Variants in PTPMT1 observed in about 807,000 individuals in gnomAD.
The protein encoded by PTPMT1 is phosphatidylglycerophosphatase and protein-tyrosine phosphatase 1.
A neutral mutation model predicts 17.8 loss-of-function variants in PTPMT1; 12 were observed. The observed-to-expected ratio is 0.67, with a 90% CI of 0.43 to 1.09. The LOEUF is 1.09. PTPMT1 is among the 50% of genes least tolerant of loss of function. The pLI, the probability that PTPMT1 is intolerant of heterozygous loss-of-function variation, is 0.00. For missense variants in PTPMT1, 262 were observed against 266.0 expected (o/e 0.99, Z 0.10); for synonymous variants, 132 against 116.8 (o/e 1.13, Z -0.84).
chr11:47,569,161 G>A (rs1051142366), intron 2 of PTPMT1, among the ~76,000 whole-genome samples: 1 of 151,816 alleles, frequency 6.6e-6, no homozygotes, highest in Admixed American at 6.6e-5. Flanking sequence ...TGAGGCAGGC[G>A]GATGACCTGA....
chr11:47,566,020 C>T (rs1489370168), intron 2 of PTPMT1, 34 bp downstream of exon 2: 3 of 1,373,416 alleles, frequency 2.2e-6, no homozygotes, highest in Non-Finnish European at 2.8e-6. Flanking sequence ...GGCTCGGGGG[C>T]CCGCTCCCCC....
intron 2 of PTPMT1, among the ~76,000 whole-genome samples, 165 bp from the exon 3 acceptor site, chr11:47,569,535 A>G (rs1233333709): frequency 2.0e-5 from 3 of 152,194 alleles, no homozygotes; most frequent in Non-Finnish European, 4.4e-5. Flanking sequence ...AAAAAAAAGC[A>G]TTTCTGTAAG....
At chr11:47,566,554 T>C (rs2097244785) in intron 2 of PTPMT1, among the ~76,000 whole-genome samples, 1 of 150,356 alleles carries the variant, frequency 6.7e-6, no homozygotes, top group African/African-American at 2.4e-5. Flanking sequence ...ACAAATGTAA[T>C]GTATTCTTAT....
Position 47,572,639 on chromosome 11 carries a change from C to T in PTPMT1, c.*1010C>T. ...ACATTGATCAGGTAAAGAGGAGAGG[C>T]TGTGCCTAAGGTCTGAGAAAAGGCT... On this transcript the variant is annotated 3_prime_UTR_variant, in exon 4 of 4. Coordinates refer to ENST00000326674, the MANE Select transcript of PTPMT1 (RefSeq NM_175732.3). 7.0e-6 allele frequency: 3 copies of T among 429,708 alleles called. No homozygotes were observed. The highest frequency in any genetic ancestry group is 1.3e-5 in the Non-Finnish European group (3 of 239,086). 26.6% of individuals were successfully genotyped at this position (429,708 alleles called of 1,614,324 possible). A position where few individuals can be genotyped will look rare whatever the true frequency, so the allele number is the denominator to read the frequency against.
Position 47,565,718 on chromosome 11 carries a change from G to A in PTPMT1, c.96G>A (p.Arg32=), listed in dbSNP as rs773545889. The A allele has an allele frequency of 4.4e-6, 7 of 1,579,120 alleles. No homozygotes were observed. Among genetic ancestry groups the A allele is most frequent in the Non-Finnish European group, 6.0e-6 (7 of 1,166,022 alleles). The part of the protein sequence containing the change: ...YTLFRGKVPG[R]AHRDWYHRID... ...TGTTCCGCGGGAAGGTGCCGGGTCG[G>A]GCGCACCGGGACTGGTACCACCGCA... The change falls in exon 1 of 4, where the codon CGG becomes CGA. Residue 32 remains arginine (R), a synonymous_variant. Coordinates refer to ENST00000326674, the MANE Select transcript of PTPMT1 (RefSeq NM_175732.3).
Position 47,569,693 on chromosome 11 carries a change from G to A in PTPMT1, c.256-7G>A. On this transcript the variant is annotated splice_polypyrimidine_tract_variant and splice_region_variant and intron_variant, in intron 2 of 3. Transcript: ENST00000326674. ...TCTCTTTTTCATACTGGTGGACCTG[G>A]TTCCAGGAGTGGAAGAGACTAGGAG... 1 of 1,599,088 alleles carries A rather than the reference G, an allele frequency of 6.3e-7. No homozygotes were observed.
chr11:47,566,749 A>AT (rs2097245145), intron 2 of PTPMT1, among the ~76,000 whole-genome samples: 1 of 151,940 alleles, frequency 6.6e-6, no homozygotes, highest in South Asian at 2.1e-4. Context: ...CCCTCCCCAG[A>AT]TTTTTCATAA....
intron 2 of PTPMT1, among the ~76,000 whole-genome samples, chr11:47,569,348 T>G (rs2097248187): frequency 7.0e-6 from 1 of 143,650 alleles, no homozygotes; most frequent in Admixed American, 7.3e-5. Context: ...ATCACGCCAC[T>G]GTACTACAGC....
intron 2 of PTPMT1, among the ~76,000 whole-genome samples, 174 bp downstream of exon 2, chr11:47,566,160 G>A (rs904630473): frequency 6.6e-6 from 1 of 152,154 alleles, no homozygotes; most frequent in Non-Finnish European, 1.5e-5. Flanking sequence ...TAGGCTAGAA[G>A]CTGTGAAAGG....
At chr11:47,566,226 A>G (rs189234189) in intron 2 of PTPMT1, among the ~76,000 whole-genome samples, 92 of 152,322 alleles carry the variant, frequency 6.0e-4, no homozygotes, top group African/African-American at 2.2e-3. Flanking sequence ...CTGTAATCCC[A>G]GCACTTTGGG....
chr11:47,566,995 G>A (rs1387493103), intron 2 of PTPMT1, among the ~76,000 whole-genome samples: 1 of 151,962 alleles, frequency 6.6e-6, no homozygotes, highest in Admixed American at 6.6e-5. Context: ...TATCTTTATA[G>A]CGTTTGGCAT....
chr11:47,569,626 T>G, intron 2 of PTPMT1, 74 bp from the exon 3 acceptor site: 2 of 1,205,558 alleles, frequency 1.7e-6, no homozygotes, highest in Non-Finnish European at 2.3e-6. Flanking sequence ...TTGCTGCTTC[T>G]TGGGAGCCCC....
rs1028635603 is a variant in PTPMT1 at position 47,572,311 on chromosome 11, C to G, written c.*682C>G. ...GATTGAAAAAGTTTCTGCTATTAAT[C>G]AGAAATAATCATTTCTATTTTCTGG... On this transcript the variant is annotated 3_prime_UTR_variant, in exon 4 of 4. Transcript: ENST00000326674. 6.5e-6 allele frequency: 1 copy of G among 152,836 alleles called. No homozygotes were observed. Among genetic ancestry groups the G allele is most frequent in the African/African-American group, 2.4e-5 (1 of 41,450 alleles). The allele number at this position is 152,836 out of a possible 1,614,324, so 9.5% of individuals were successfully genotyped here. A position where few individuals can be genotyped will look rare whatever the true frequency, so the allele number is the denominator to read the frequency against.
rs1191503542 is a variant in PTPMT1, at chr11:47,569,670, T to C, written c.256-30T>C. 3 of 1,554,142 alleles carry C rather than the reference T, an allele frequency of 1.9e-6. No homozygotes were observed. The African/African-American group carries it at 4.2e-5, about 22-fold the overall frequency. The stretch of plus-strand genomic sequence containing the variant: ...CCACCCACATAGTTTTTTTTCATTC[T>C]CTTTTTCATACTGGTGGACCTGGTT... On this transcript the variant is annotated intron_variant, in intron 2 of 3. Coordinates refer to ENST00000326674, the MANE Select transcript of PTPMT1 (RefSeq NM_175732.3).
At chr11:47,571,336 T>C (rs1031223665) in intron 3 of PTPMT1, 135 bp from the exon 4 acceptor site, 1 of 700,362 alleles carries the variant, frequency 1.4e-6, no homozygotes, top group African/African-American at 1.8e-5. Context: ...ACAAGCAGCA[T>C]GATTTTTAAT....
rs2097248607 is a variant in PTPMT1, at chr11:47,569,864, C to T, written c.420C>T (p.Ala140=). ...VHCKAGRSRS[A]TMVAAYLIQV... ...GTAAGGCTGGGCGCTCCAGGAGTGC[C>T]ACTATGGTGGCAGCATACCTGATTC... The change falls in exon 3 of 4, where the codon GCC becomes GCT. Residue 140 remains alanine (A), a synonymous_variant. Coordinates refer to ENST00000326674, the MANE Select transcript of PTPMT1 (RefSeq NM_175732.3). 6.2e-7 allele frequency: 1 copy of T among 1,613,316 alleles called. No individual in the cohort carries two copies. The highest frequency in any genetic ancestry group is 8.5e-7 in the Non-Finnish European group (1 of 1,179,950).
Position 47,571,867 on chromosome 11 carries a change from T to C in PTPMT1, c.*238T>C. On this transcript the variant is annotated 3_prime_UTR_variant, in exon 4 of 4. Coordinates refer to ENST00000326674, the MANE Select transcript of PTPMT1 (RefSeq NM_175732.3). ...GGGATACAGGACAGGGATGGGGCTATCATCTTTTCTTGAATAGGGCTAAAG... is the reference window on the plus strand; with the variant it reads ...GGGATACAGGACAGGGATGGGGCTACCATCTTTTCTTGAATAGGGCTAAAG... 4.8e-6 allele frequency: 2 copies of C among 417,326 alleles called. No homozygotes were observed. Among genetic ancestry groups the C allele is most frequent in the South Asian group, 4.4e-5 (1 of 22,502 alleles). The allele number at this position is 417,326 out of a possible 1,614,324, so 25.9% of individuals were successfully genotyped here. A position where few individuals can be genotyped will look rare whatever the true frequency, so the allele number is the denominator to read the frequency against.
Position 47,565,707 on chromosome 11 carries a change from G to T in PTPMT1, c.85G>T (p.Val29Leu), listed in dbSNP as rs1392085250. 6.4e-7 allele frequency: 1 copy of T among 1,570,754 alleles called. No homozygotes were observed. The highest frequency in any genetic ancestry group is 8.6e-7 in the Non-Finnish European group (1 of 1,161,974). ...TLLYTLFRGK[V>L]PGRAHRDWYH... is the part of the protein sequence containing the mutation. ...GCTCTACACCCTGTTCCGCGGGAAGGTGCCGGGTCGGGCGCACCGGGACTG... is the reference window on the plus strand; with the variant it reads ...GCTCTACACCCTGTTCCGCGGGAAGTTGCCGGGTCGGGCGCACCGGGACTG... The change falls in exon 1 of 4, where the codon GTG becomes TTG. Residue 29 changes from valine to leucine, a missense_variant. Transcript: ENST00000326674.
intron 2 of PTPMT1, among the ~76,000 whole-genome samples, chr11:47,569,009 G>A (rs1048468135): frequency 5.9e-5 from 9 of 151,902 alleles, no homozygotes; most frequent in East Asian, 5.8e-4. Context: ...ATGTTAAGAC[G>A]TTTGCAGCTG....
Sources: gnomAD v4.1 joint callset for allele counts (sites outside exome capture counted in the v4.1 genomes callset) on GRCh38, gnomAD v4.1.1 for gene constraint, MANE v1.5 for transcripts, NCBI Gene and HGNC (gene_info 2026-07-23, HGNC 2026-07-21) for gene names.